Variants in RAD54L2 observed in about 807,000 individuals in gnomAD.
The protein encoded by RAD54L2 is RAD54 like 2, also known as helicase ARIP4.
Under a neutral mutation model 138.4 loss-of-function variants are expected in RAD54L2, and 27 were observed. The ratio of observed to expected loss-of-function variants is 0.20; its 90% CI spans 0.14 to 0.27. The LOEUF is 0.27. Ranked by LOEUF, RAD54L2 falls within the 10% of genes least tolerant of loss-of-function variation. The probability of loss-of-function intolerance (pLI) is 1.00; values close to 1 mark genes in which losing one functional copy is unlikely to be tolerated. For missense variants in RAD54L2, 1,396 were observed against 1,890.2 expected (o/e 0.74, Z 4.85); for synonymous variants, 644 against 723.2 (o/e 0.89, Z 1.76).
intron 2 of RAD54L2, among the ~76,000 whole-genome samples, chr3:51,570,353 AG>A (rs1360026116): frequency 4.0e-5 from 6 of 150,264 alleles, no homozygotes; most frequent in Non-Finnish European, 7.4e-5. Context: ...CATCTTGGCC[AG>A]GCTGGTCTTG....
chr3:51,610,677 T>A (rs1700309080), intron 3 of RAD54L2, among the ~76,000 whole-genome samples: 1 of 151,814 alleles, frequency 6.6e-6, no homozygotes. Flanking sequence ...TGAATGAATC[T>A]TCTTTAATAA....
chr3:51,661,877 G>T (rs1484449969), intron 22 of RAD54L2, among the ~76,000 whole-genome samples: 2 of 151,984 alleles, frequency 1.3e-5, no homozygotes, highest in African/African-American at 4.8e-5. Context: ...ACTTCAACAT[G>T]CATCTGCTAA....
chr3:51,600,059 G>T (rs959671115), intron 3 of RAD54L2, among the ~76,000 whole-genome samples: 1 of 152,070 alleles, frequency 6.6e-6, no homozygotes, highest in African/African-American at 2.4e-5. Context: ...CTCCCAAGTA[G>T]CTGGGACTGA....
At chr3:51,574,867 A>G (rs1699429821) in intron 2 of RAD54L2, among the ~76,000 whole-genome samples, 1 of 152,120 alleles carries the variant, frequency 6.6e-6, no homozygotes, top group Non-Finnish European at 1.5e-5. Flanking sequence ...CACATTTGTC[A>G]ATTTTGGCTT....
intron 3 of RAD54L2, among the ~76,000 whole-genome samples, chr3:51,621,657 T>C (rs2106780439): frequency 6.6e-6 from 1 of 152,362 alleles, no homozygotes; most frequent in East Asian, 1.9e-4. Flanking sequence ...GACTCTGTCC[T>C]ATCTGCCTAC....
At chr3:51,594,891 T>TTTGC (rs1312709541) in intron 3 of RAD54L2, among the ~76,000 whole-genome samples, 1 of 141,500 alleles carries the variant, frequency 7.1e-6, no homozygotes, top group Non-Finnish European at 1.5e-5. Flanking sequence ...TTTTTTTTTT[T>TTTGC]GACGGAGTCT....
rs539438620 is a variant in RAD54L2 at position 51,648,068 on chromosome 3, C to T, written c.3026+1587C>T. ...CAAGGGAAGCCATGACAGACTGTAC[C>T]TGGAAAATCGGGACACTGCCACCCA... On this transcript the variant is annotated intron_variant, in intron 19 of 22. Transcript: ENST00000684192. Among the ~76,000 whole-genome samples, 6 of 152,280 alleles carry T rather than the reference C, an allele frequency of 3.9e-5. No homozygotes were observed. The South Asian group carries it at 1.2e-3, about 32-fold the overall frequency.
intron 2 of RAD54L2, among the ~76,000 whole-genome samples, chr3:51,551,754 T>C (rs922724794): frequency 1.3e-5 from 2 of 150,880 alleles, no homozygotes; most frequent in African/African-American, 4.9e-5. Context: ...CATTTCTTTT[T>C]CTTTCTTTTT....
At chr3:51,599,762 G>A (rs1431734095) in intron 3 of RAD54L2, among the ~76,000 whole-genome samples, 1 of 146,950 alleles carries the variant, frequency 6.8e-6, no homozygotes, top group Non-Finnish European at 1.5e-5. Flanking sequence ...AAAAAAAAAA[G>A]GGCAAAAACC....
chr3:51,594,847 G>GAATTGAT (rs1291383694), intron 3 of RAD54L2, among the ~76,000 whole-genome samples: 1 of 135,360 alleles, frequency 7.4e-6, no homozygotes, highest in Non-Finnish European at 1.6e-5. Flanking sequence ...AGGCAACATG[G>GAATTGAT]AATTGATGGG....
At chr3:51,611,343 A>C (rs1333478629) in intron 3 of RAD54L2, 2 of 152,000 alleles carry the variant, frequency 1.3e-5, no homozygotes, top group African/African-American at 4.8e-5. Context: ...ACATGCATAC[A>C]ATGCATAATA....
chr3:51,571,698 G>A (rs1222123147), intron 2 of RAD54L2, among the ~76,000 whole-genome samples: 1 of 152,002 alleles, frequency 6.6e-6, no homozygotes, highest in African/African-American at 2.4e-5. Context: ...ATGAGTGGTG[G>A]GACATGCATA....
chr3:51,540,459 A>C (rs572370146), intron 1 of RAD54L2, among the ~76,000 whole-genome samples: 126 of 152,316 alleles, frequency 8.3e-4, no homozygotes, highest in Non-Finnish European at 1.5e-3. Context: ...GACAGTACGC[A>C]AACTCCAACT....
Position 51,638,415 on chromosome 3 carries a change from G to A in RAD54L2, c.1860+94G>A. ...CTACTGAGAGTCTTCAATAAAGGGA[G>A]AATAAAGTGAGAGGGGGCCACCTCA... On this transcript the variant is annotated intron_variant, in intron 12 of 22. Coordinates refer to ENST00000684192, the MANE Select transcript of RAD54L2 (RefSeq NM_015106.4). The surrounding 1 kb of genome is among the most constrained non-coding windows in gnomAD (Gnocchi z 4.3). The A allele has an allele frequency of 1.4e-6, 2 of 1,466,222 alleles. No homozygotes were observed. The highest frequency in any genetic ancestry group is 1.9e-6 in the Non-Finnish European group (2 of 1,072,526). The allele number at this position is 1,466,222 out of a possible 1,614,324, so 90.8% of individuals were successfully genotyped here. A position where few individuals can be genotyped will look rare whatever the true frequency, so the allele number is the denominator to read the frequency against.
At chr3:51,541,349 C>G (rs1204497737) in intron 1 of RAD54L2, 1 of 152,212 alleles carries the variant, frequency 6.6e-6, no homozygotes, top group African/African-American at 2.4e-5. Flanking sequence ...TTAGCTATCA[C>G]TGTGAGTTCA....
intron 3 of RAD54L2, among the ~76,000 whole-genome samples, chr3:51,608,072 G>A (rs1239298374): frequency 2.0e-5 from 3 of 151,716 alleles, no homozygotes; most frequent in South Asian, 2.1e-4. Context: ...TTCCCAGACG[G>A]GGCGGCTGCC....
At chr3:51,610,426 A>C (rs1206509923) in intron 3 of RAD54L2, among the ~76,000 whole-genome samples, 6 of 151,932 alleles carry the variant, frequency 3.9e-5, no homozygotes, top group Non-Finnish European at 8.8e-5. Flanking sequence ...CAACATGGTG[A>C]AACCCCATCT....
intron 2 of RAD54L2, among the ~76,000 whole-genome samples, chr3:51,560,094 A>C (rs1260062574): frequency 6.6e-6 from 1 of 150,692 alleles, no homozygotes; most frequent in Non-Finnish European, 1.5e-5. Flanking sequence ...GGTGCTGTTA[A>C]ACCAGGTATC....
chr3:51,609,733 T>C (rs1369624555), intron 3 of RAD54L2, among the ~76,000 whole-genome samples: 1 of 148,712 alleles, frequency 6.7e-6, no homozygotes, highest in Admixed American at 6.7e-5. Context: ...TGTGTGTGTG[T>C]GTGTGTGGTT....
Sources: allele counts gnomAD v4.1 joint callset (sites outside exome capture counted in the v4.1 genomes callset), GRCh38; gene constraint gnomAD v4.1.1; non-coding constraint Gnocchi (gnomAD v3.1); transcripts MANE v1.5; gene names NCBI Gene and HGNC (gene_info 2026-07-23, HGNC 2026-07-21).